The following STK32C variants were observed in gnomAD, a reference collection of about 807,000 sequenced individuals.
STK32C encodes serine/threonine kinase 32C.
In STK32C, 31 loss-of-function variants were observed where a neutral mutation model predicts 56.5. That is an observed-to-expected ratio of 0.55 (90% CI 0.41 to 0.74). STK32C has a LOEUF of 0.74. Ranked by LOEUF, STK32C falls within the 30% of genes least tolerant of loss-of-function variation. The pLI, the probability that STK32C is intolerant of heterozygous loss-of-function variation, is 0.00. For missense variants in STK32C, 544 were observed against 676.9 expected, an observed-to-expected ratio of 0.80 and a Z score of 2.18; for synonymous variants, 309 against 289.4, an observed-to-expected ratio of 1.07 and a Z score of -0.69.
At chr10:132,249,105 G>A (rs763370577) in intron 1 of STK32C, 6 of 471,332 alleles carry the variant, frequency 1.3e-5, no homozygotes, top group East Asian at 6.4e-5. Context: ...GCAGCAAGGC[G>A]CATGCGTGCC....
downstream of STK32C, among the ~76,000 whole-genome samples, chr10:132,319,490 A>C (rs1466239766): frequency 2.6e-5 from 4 of 152,260 alleles, no homozygotes; most frequent in Non-Finnish European, 5.9e-5. Flanking sequence ...AATATTATTC[A>C]GCAATAAAAA....
At chr10:132,271,727 G>A (rs776690400) in intron 1 of STK32C, among the ~76,000 whole-genome samples, 13 of 152,176 alleles carry the variant, frequency 8.5e-5, no homozygotes, top group Non-Finnish European at 1.3e-4. Context: ...GGGATCACCC[G>A]TTCCTGACCC....
At chr10:132,241,224 C>T (rs1266299272) in intron 2 of STK32C, among the ~76,000 whole-genome samples, 1 of 152,220 alleles carries the variant, frequency 6.6e-6, no homozygotes, top group Non-Finnish European at 1.5e-5. Context: ...CCAACTCCTC[C>T]AGCCAGAAGC....
chr10:132,289,676 AGCT>A (rs1430099181), intron 1 of STK32C, among the ~76,000 whole-genome samples: 3 of 152,236 alleles, frequency 2.0e-5, no homozygotes, highest in Non-Finnish European at 4.4e-5. Flanking sequence ...GCTCCTAAAC[AGCT>A]GTCTTCTCTC....
intron 1 of STK32C, among the ~76,000 whole-genome samples, chr10:132,289,357 G>GA (rs2065500505): frequency 6.6e-6 from 1 of 152,232 alleles, no homozygotes; most frequent in African/African-American, 2.4e-5. Flanking sequence ...AGACCGCTGA[G>GA]AAAATGAATG....
intron 1 of STK32C, chr10:132,324,400 C>A (rs1247168040): frequency 2.6e-6 from 2 of 766,526 alleles, no homozygotes; most frequent in South Asian, 2.8e-5. Flanking sequence ...AGGTCATCTT[C>A]ACTTTGCAGT....
rs561729745 is a variant in STK32C at position 132,331,310 on chromosome 10, G to A, written c.301+126C>T. The A allele has an allele frequency of 2.9e-5, 27 of 941,784 alleles. No individual in the cohort carries two copies. The South Asian group carries it at 4.7e-4, about 16-fold the overall frequency. The allele number at this position is 941,784 out of a possible 1,614,324, so 58.3% of individuals were successfully genotyped here. On this transcript the variant is annotated intron_variant, in intron 1 of 1. Coordinates refer to the STK32C transcript ENST00000368619. ...CAGAGGGTGCTACTTTTCATTATCAGTTGGATCCTGGAATGAAGGTGCACG... is the reference window on the plus strand; with the variant it reads ...CAGAGGGTGCTACTTTTCATTATCAATTGGATCCTGGAATGAAGGTGCACG...
chr10:132,233,949 C>G (rs527811908), intron 2 of STK32C, among the ~76,000 whole-genome samples: 1 of 152,308 alleles, frequency 6.6e-6, no homozygotes, highest in African/African-American at 2.4e-5. Context: ...TGGGCTGGGG[C>G]GCCGTCTGAG....
chr10:132,278,213 G>A (rs2065044992), intron 1 of STK32C, among the ~76,000 whole-genome samples: 1 of 152,098 alleles, frequency 6.6e-6, no homozygotes, highest in African/African-American at 2.4e-5. Flanking sequence ...CCCACCTCAT[G>A]TCCAGTGACA....
intron 10 of STK32C, 95 bp from the exon 11 acceptor site, chr10:132,209,196 C>CCA: frequency 8.5e-7 from 1 of 1,178,374 alleles, no homozygotes; most frequent in Non-Finnish European, 1.3e-6. Context: ...CATCGGGCCT[C>CCA]CACCTGTGGC....
Position 132,296,100 on chromosome 10 carries a change from C to G in STK32C, c.262+11472G>C, listed in dbSNP as rs538414969. 7.4e-5 allele frequency among the ~76,000 whole-genome samples: 11 copies of G among 148,160 alleles called. 1 individual carries two copies. The highest frequency in any genetic ancestry group is 6.1e-4 in the Admixed American group (9 of 14,664). ...GTGGACAGCGTGTAATCTCGTATGA[C>G]ATCATGAGAATGGCATTTACCTCCG... On this transcript the variant is annotated intron_variant, in intron 1 of 11. Transcript: ENST00000298630.
At chr10:132,266,933 G>A (rs977718026) in intron 1 of STK32C, among the ~76,000 whole-genome samples, 1 of 152,096 alleles carries the variant, frequency 6.6e-6, no homozygotes, top group Non-Finnish European at 1.5e-5. Context: ...GGTGGGGAGG[G>A]CTGCGCGGAC....
chr10:132,290,504 C>T (rs933843601), intron 1 of STK32C, among the ~76,000 whole-genome samples: 1 of 152,176 alleles, frequency 6.6e-6, no homozygotes, highest in Non-Finnish European at 1.5e-5. Context: ...TATGCATGCA[C>T]GCTCATAGGA....
chr10:132,273,898 C>T (rs2064915380), intron 1 of STK32C, among the ~76,000 whole-genome samples: 1 of 152,142 alleles, frequency 6.6e-6, no homozygotes, highest in African/African-American at 2.4e-5. Context: ...CATAAGAGCC[C>T]ACTATGCGTG....
intron 1 of STK32C, among the ~76,000 whole-genome samples, chr10:132,268,665 A>G (rs2064695494): frequency 7.5e-6 from 1 of 133,556 alleles, no homozygotes; most frequent in African/African-American, 2.9e-5. Flanking sequence ...ATGCATGTGT[A>G]TGCAGGTTCA....
At chr10:132,316,933 G>A (rs899421342) in intron 1 of STK32C, among the ~76,000 whole-genome samples, 4 of 150,356 alleles carry the variant, frequency 2.7e-5, no homozygotes, top group African/African-American at 9.8e-5. Context: ...GGGCTGGGAG[G>A]CAGAGGTTGC....
chr10:132,260,625 A>T (rs1175698468), intron 1 of STK32C, among the ~76,000 whole-genome samples: 1 of 152,204 alleles, frequency 6.6e-6, no homozygotes, highest in Non-Finnish European at 1.5e-5. Context: ...CCCACCTGCA[A>T]GCAGGGGCCA....
chr10:132,223,502 G>A (rs1226684393), intron 8 of STK32C, among the ~76,000 whole-genome samples: 1 of 152,258 alleles, frequency 6.6e-6, no homozygotes, highest in Admixed American at 6.5e-5. Context: ...AGGTTTCCCA[G>A]ACCTGGGCTT....
chr10:132,223,791 T>TG (rs1163874161), intron 8 of STK32C, among the ~76,000 whole-genome samples: 1 of 152,196 alleles, frequency 6.6e-6, no homozygotes, highest in Non-Finnish European at 1.5e-5. Flanking sequence ...TGCCTGGGCC[T>TG]GGCTCTGACT....
Sources: allele counts gnomAD v4.1 joint callset (sites outside exome capture counted in the v4.1 genomes callset), GRCh38; gene constraint gnomAD v4.1.1; transcripts MANE v1.5; gene names NCBI Gene and HGNC (gene_info 2026-07-23, HGNC 2026-07-21).